PCDH7: variants seen among roughly 807,000 people sequenced by gnomAD.
The protein encoded by PCDH7 is protocadherin-7.
In PCDH7, 17 loss-of-function variants were observed where a neutral mutation model predicts 58.9. The observed-to-expected ratio is 0.29, with a 90% CI of 0.20 to 0.43. The LOEUF (loss-of-function observed/expected upper bound fraction) is 0.43, where lower values mean the gene tolerates loss of function less well. Ranked by LOEUF, PCDH7 falls within the 20% of genes least tolerant of loss-of-function variation. PCDH7 has a pLI of 1.00. For synonymous variants in PCDH7, 664 were observed against 616.4 expected (o/e 1.08, Z -1.14); for missense variants, 1,274 against 1,441.0 (o/e 0.88, Z 1.88).
intron 1 of PCDH7, among the ~76,000 whole-genome samples, chr4:30,879,350 T>G (rs1203545659): frequency 6.6e-6 from 1 of 152,144 alleles, no homozygotes; most frequent in Non-Finnish European, 1.5e-5. Flanking sequence ...AGTGATTATT[T>G]TCCAGGATTA....
intron 1 of PCDH7, among the ~76,000 whole-genome samples, chr4:30,846,600 A>G (rs1731996803): frequency 6.6e-6 from 1 of 152,074 alleles, no homozygotes; most frequent in South Asian, 2.1e-4. Context: ...TAAAGTGTTT[A>G]ACAGCATCCT....
At chr4:31,062,779 C>A (rs1757789725) in intron 3 of PCDH7, among the ~76,000 whole-genome samples, 1 of 151,708 alleles carries the variant, frequency 6.6e-6, no homozygotes, top group African/African-American at 2.4e-5. Flanking sequence ...CCTGATTTTT[C>A]TTGTACACTT....
At chr4:30,840,830 T>TACAC (rs1731119077) in intron 1 of PCDH7, among the ~76,000 whole-genome samples, 1 of 152,002 alleles carries the variant, frequency 6.6e-6, no homozygotes, top group African/African-American at 2.4e-5. Context: ...TCGTGGAATG[T>TACAC]GTAAAGCCAA....
chr4:30,861,315 C>T (rs1440785366), intron 1 of PCDH7, among the ~76,000 whole-genome samples: 2 of 152,128 alleles, frequency 1.3e-5, no homozygotes, highest in African/African-American at 4.8e-5. Flanking sequence ...ATACTGCATG[C>T]AGGTATAACA....
intron 1 of PCDH7, among the ~76,000 whole-genome samples, chr4:30,908,100 G>A (rs549169889): frequency 6.6e-6 from 1 of 152,036 alleles, no homozygotes; most frequent in Non-Finnish European, 1.5e-5. Context: ...GGCCGGTTCG[G>A]GGGTGAGGGG....
At chr4:31,063,580 A>C (rs1161907605) in intron 3 of PCDH7, among the ~76,000 whole-genome samples, 1 of 151,898 alleles carries the variant, frequency 6.6e-6, no homozygotes, top group Non-Finnish European at 1.5e-5. Flanking sequence ...CTCATCCCCC[A>C]AGTTAAGTAA....
Position 30,722,541 on chromosome 4 carries a change from C to T in PCDH7, c.1119C>T (p.Ile373=), listed in dbSNP as rs115429836. Residue 373 remains isoleucine (I), a synonymous_variant, in exon 1 of 2, where the codon ATC becomes ATT. Coordinates refer to ENST00000361762, the Ensembl canonical transcript of PCDH7. This position sits in a 1 kb window ranked among gnomAD's most constrained non-coding sequence, Gnocchi z 7.6. The stretch of plus-strand genomic sequence containing the variant: ...GCTGGCTCAGCGTCCTGCACCGGAT[C>T]GACCGCGAGGAGGTGAACCAGCTGC... 1,774 of 1,612,160 alleles carry T rather than the reference C, an allele frequency of 1.1e-3. 15 individuals are homozygous for T. The African/African-American group carries it at 0.016, about 15-fold the overall frequency.
chr4:30,800,706 G>T, intron 1 of PCDH7, among the ~76,000 whole-genome samples: 1 of 152,250 alleles, frequency 6.6e-6, no homozygotes, highest in South Asian at 2.1e-4. Context: ...ATTTCAACTG[G>T]ATGAGAAATC....
In PCDH7 at chr4:30,723,304, C is replaced by A; in HGVS notation, c.1882C>A (p.Gln628Lys). The change falls in exon 1 of 2, where the codon CAG becomes AAG. Residue 628 changes from glutamine (Q) to lysine (K), a missense_variant. Around this residue, in one of 3 missense-constraint regions of PCDH7, gnomAD observed 731 missense variants for 881.9 expected, o/e 0.83. Transcript: ENST00000361762. The surrounding 1 kb of genome is among the most constrained non-coding windows in gnomAD (Gnocchi z 4.6). ...GCAGGGCAGCACTACGGTGATTGTG[C>A]AGGTGGCTGATAAAAATGACAATGA... The A allele has an allele frequency of 6.2e-7, 1 of 1,614,210 alleles. No homozygotes were observed. The highest frequency in any genetic ancestry group is 8.5e-7 in the Non-Finnish European group (1 of 1,180,036).
intron 3 of PCDH7, among the ~76,000 whole-genome samples, chr4:31,098,672 A>T (rs964195695): frequency 2.0e-5 from 3 of 152,184 alleles, no homozygotes; most frequent in African/African-American, 7.2e-5. Flanking sequence ...AGTTTTCAAG[A>T]AAGTGAGCCT....
At chr4:30,863,477 A>C (rs1307314437) in intron 1 of PCDH7, among the ~76,000 whole-genome samples, 3 of 152,064 alleles carry the variant, frequency 2.0e-5, no homozygotes, top group Non-Finnish European at 4.4e-5. Flanking sequence ...TCACGCACAA[A>C]TGTCAATAGT....
intron 3 of PCDH7, among the ~76,000 whole-genome samples, chr4:30,958,895 A>G (rs928259274): frequency 1.3e-5 from 2 of 152,074 alleles, no homozygotes; most frequent in Non-Finnish European, 2.9e-5. Context: ...GCATAAAAGC[A>G]TTTTACTTAG....
intron 3 of PCDH7, among the ~76,000 whole-genome samples, chr4:30,968,375 A>AT (rs1560541525): frequency 1.4e-5 from 1 of 71,752 alleles, no homozygotes; most frequent in Non-Finnish European, 2.7e-5. Context: ...ATATACACAC[A>AT]CTATATATAT....
At chr4:31,129,731 C>T (rs2109334836) in intron 3 of PCDH7, among the ~76,000 whole-genome samples, 1 of 152,182 alleles carries the variant, frequency 6.6e-6, no homozygotes, top group Admixed American at 6.5e-5. Context: ...ATCCCAGGTT[C>T]AAGTGATTCT....
chr4:31,133,265 A>G (rs945453942), intron 3 of PCDH7, among the ~76,000 whole-genome samples: 2 of 152,216 alleles, frequency 1.3e-5, no homozygotes, highest in African/African-American at 2.4e-5. Context: ...CCCCACAGAA[A>G]CCATGCAAAA....
At chr4:31,089,263 T>C (rs1712904347) in intron 3 of PCDH7, among the ~76,000 whole-genome samples, 1 of 152,016 alleles carries the variant, frequency 6.6e-6, no homozygotes, top group African/African-American at 2.4e-5. Context: ...AATGTTACAG[T>C]TTACAATGAA....
chr4:30,787,265 T>C (rs919098859), intron 1 of PCDH7, among the ~76,000 whole-genome samples: 2 of 152,090 alleles, frequency 1.3e-5, no homozygotes, highest in Non-Finnish European at 2.9e-5. Flanking sequence ...GGATGCATTA[T>C]ATAGAAATCA....
chr4:30,924,414 T>C (rs1026138170), intron 2 of PCDH7, among the ~76,000 whole-genome samples: 2 of 152,224 alleles, frequency 1.3e-5, no homozygotes, highest in African/African-American at 4.8e-5. Context: ...TTTTATGCTA[T>C]AGAATGGAGA....
At chr4:31,120,373 C>T (rs1381468678) in intron 3 of PCDH7, among the ~76,000 whole-genome samples, 1 of 148,946 alleles carries the variant, frequency 6.7e-6, no homozygotes, top group Non-Finnish European at 1.5e-5. Context: ...TTATTTTCTT[C>T]CTCAAGCTTC....
Sources: allele counts gnomAD v4.1 joint callset (sites outside exome capture counted in the v4.1 genomes callset), GRCh38; gene constraint gnomAD v4.1.1; regional missense constraint gnomAD v4.1.1; non-coding constraint Gnocchi (gnomAD v3.1); transcripts MANE v1.5; gene names NCBI Gene and HGNC (gene_info 2026-07-23, HGNC 2026-07-21).